LIPI: variants seen among roughly 807,000 people sequenced by gnomAD.
LIPI encodes lipase I, also known as lipase member I.
LIPI carries 59 observed loss-of-function variants against 50.6 expected under a neutral mutation model. The observed-to-expected ratio is 1.16, with a 90% CI of 0.94 to 1.45. The LOEUF (loss-of-function observed/expected upper bound fraction) is 1.45. Ranked by LOEUF, LIPI falls within the 40% of genes most tolerant of loss-of-function variation. The probability of loss-of-function intolerance (pLI) is 0.00; values close to 1 mark genes in which losing one functional copy is unlikely to be tolerated. For synonymous variants in LIPI, 203 were observed against 178.2 expected (o/e 1.14, Z -1.11); for missense variants, 586 against 536.3 (o/e 1.09, Z -0.92).
At position 14,170,354 on chromosome 21, in the gene LIPI, A is replaced by G. The variant is rs528173665; in HGVS notation, c.644-3903T>C. Among the ~76,000 whole-genome samples, 1,175 of 152,294 alleles carry G rather than the reference A, an allele frequency of 7.7e-3. 19 individuals are homozygous for G. Among genetic ancestry groups the G allele is most frequent in the African/African-American group, 0.026 (1,070 of 41,550 alleles). On this transcript the variant is annotated intron_variant, in intron 4 of 9. Coordinates refer to ENST00000681601, the MANE Select transcript of LIPI (RefSeq NM_001302998.2). Reference sequence around the variant, plus strand: ...ATAGAAAAAGAGGGAATCCTCCCTAACTCATTTTATGAGGCCAGCATCATC... The same window carrying G: ...ATAGAAAAAGAGGGAATCCTCCCTAGCTCATTTTATGAGGCCAGCATCATC...
intron 8 of LIPI, among the ~76,000 whole-genome samples, chr21:14,149,444 CT>C (rs1233313780): frequency 3.3e-5 from 5 of 152,148 alleles, no homozygotes; most frequent in Admixed American, 2.6e-4. Context: ...CACCCCTGGC[CT>C]TCCCAAATCT....
In LIPI at chr21:14,170,224, A is replaced by G. The variant is rs1396675226; in HGVS notation, c.644-3773T>C. On this transcript the variant is annotated intron_variant, in intron 4 of 9. Coordinates refer to ENST00000681601, the MANE Select transcript of LIPI (RefSeq NM_001302998.2). ...CTCTGAAGTTGTGGCAATAATCAAT[A>G]GCTTACCAACCAAAAAGAGTCCAGG... Among the ~76,000 whole-genome samples the G allele has an allele frequency of 5.3e-5, 8 of 152,226 alleles. No individual in the cohort carries two copies. The East Asian group carries it at 1.5e-3, about 29-fold the overall frequency.
At chr21:14,170,619 G>T (rs557265472) in intron 4 of LIPI, among the ~76,000 whole-genome samples, 1 of 152,276 alleles carries the variant, frequency 6.6e-6, no homozygotes, top group South Asian at 2.1e-4. Flanking sequence ...AAAACCACAT[G>T]ATTATCTCAA....
At chr21:14,163,385 ATTTG>A (rs956239752) in intron 7 of LIPI, 30 bp downstream of exon 7, 9 of 1,045,802 alleles carry the variant, frequency 8.6e-6, no homozygotes, top group African/African-American at 6.3e-5. Flanking sequence ...AAAACTAAAA[ATTTG>A]TTTATTTGTT....
chr21:14,154,784 A>G lies in LIPI; in HGVS notation c.1007-2100T>C, dbSNP rs544514068. 3.3e-5 allele frequency among the ~76,000 whole-genome samples: 5 copies of G among 152,214 alleles called. No homozygotes were observed. In the South Asian group the frequency reaches 8.3e-4, roughly 25 times the overall value. ...GATGTCCCAAAAGTTTTATGCATCT[A>G]AAAATCACGGCCTTGGAATATCTAA... On this transcript the variant is annotated intron_variant, in intron 7 of 9. Coordinates refer to ENST00000681601, the MANE Select transcript of LIPI (RefSeq NM_001302998.2).
At chr21:14,135,798 C>T (rs2017476491) in intron 9 of LIPI, among the ~76,000 whole-genome samples, 1 of 152,008 alleles carries the variant, frequency 6.6e-6, no homozygotes. Context: ...GATTGAGGGG[C>T]CATGTCACAT....
intron 9 of LIPI, among the ~76,000 whole-genome samples, chr21:14,110,029 G>A (rs1317389617): frequency 6.6e-6 from 1 of 151,788 alleles, no homozygotes; most frequent in Non-Finnish European, 1.5e-5. Flanking sequence ...ATTTCAAAAT[G>A]CATACTGAAT....
At chr21:14,201,942 G>T (rs550243014) in intron 1 of LIPI, among the ~76,000 whole-genome samples, 16 of 152,278 alleles carry the variant, frequency 1.1e-4, no homozygotes, top group South Asian at 2.1e-4. Context: ...AAACCCCATT[G>T]TCTCAGCCCA....
At chr21:14,163,985 T>C (rs1465377347) in intron 6 of LIPI, among the ~76,000 whole-genome samples, 1 of 150,774 alleles carries the variant, frequency 6.6e-6, no homozygotes, top group Non-Finnish European at 1.5e-5. Flanking sequence ...ATTATATATA[T>C]GTAGTATAGG....
rs149913311 is a variant in LIPI, at chr21:14,119,489, G to A, written c.1296-10409C>T. Among the ~76,000 whole-genome samples the A allele has an allele frequency of 1.2e-4, 19 of 152,266 alleles. No individual in the cohort carries two copies. In the East Asian group the frequency reaches 2.3e-3, roughly 19 times the overall value. The stretch of plus-strand genomic sequence containing the variant: ...AGCATTCCTCAGCCAGACACAAGGC[G>A]GCAAGTGCGGGAATTCCTAGGGGCA... On this transcript the variant is annotated intron_variant, in intron 9 of 9. Coordinates refer to ENST00000681601, the MANE Select transcript of LIPI (RefSeq NM_001302998.2).
rs2017840822 is a variant in LIPI, at chr21:14,144,776, A to C, written c.1142T>G (p.Leu381Arg). Residue 381 changes from leucine to arginine, a missense_variant, in exon 9 of 10, where the codon CTT becomes CGT. Leu to Arg is a moderately radical substitution (Grantham distance 102). Transcript: ENST00000681601. ...TTGAGCAAGAATCTTGACTTCTTGAAGTTTATAAAATGGTTTGTTCTTTCT... is the reference window on the plus strand; with the variant it reads ...TTGAGCAAGAATCTTGACTTCTTGACGTTTATAAAATGGTTTGTTCTTTCT... ...LYEKNKPFYKLQEVKILAQFY... is the reference protein window; with the variant it reads ...LYEKNKPFYKRQEVKILAQFY... 6.3e-7 allele frequency: 1 copy of C among 1,577,922 alleles called. No homozygotes were observed. The highest frequency in any genetic ancestry group is 2.2e-5 in the East Asian group (1 of 44,584).
chr21:14,146,772 A>ATTTTTTTTTT lies in LIPI; in HGVS notation c.1119-1983_1119-1974dup, dbSNP rs3048482. Among the ~76,000 whole-genome samples the ATTTTTTTTTT allele has an allele frequency of 4.5e-3, 328 of 73,370 alleles. 76 individuals carry two copies. The highest frequency in any genetic ancestry group is 0.016 in the African/African-American group (272 of 16,532). 48.1% of individuals were successfully genotyped at this position (73,370 alleles called of 152,430 possible). ...TCTCTTTCTTACTTTCCCAGTCTCT[A>ATTTTTTTTTT]TTTTTTTTTTTTTTTTTTTTTTTTT... On this transcript the variant is annotated intron_variant, in intron 8 of 9. Coordinates refer to ENST00000681601, the MANE Select transcript of LIPI (RefSeq NM_001302998.2).
chr21:14,184,802 A>G (rs1253805229), intron 3 of LIPI, among the ~76,000 whole-genome samples: 1 of 152,232 alleles, frequency 6.6e-6, no homozygotes, highest in African/African-American at 2.4e-5. Context: ...TGTATAAGTA[A>G]ATCCTGGCTA....
At position 14,189,304 on chromosome 21, in the gene LIPI, G is replaced by A. The variant is rs755010007; in HGVS notation, c.162C>T (p.Asn54=). 3 of 1,613,780 alleles carry A rather than the reference G, an allele frequency of 1.9e-6. No individual in the cohort carries two copies. The highest frequency in any genetic ancestry group is 1.7e-6 in the Non-Finnish European group (2 of 1,179,708). Residue 54 remains asparagine, a synonymous_variant, in exon 2 of 10, where the codon AAC becomes AAT. Coordinates refer to ENST00000681601, the MANE Select transcript of LIPI (RefSeq NM_001302998.2). The part of the protein sequence containing the change: ...ILMMYTRNNL[N]CAEPLFEQNN... ...TTTGTTCAAACAGTGGCTCAGCACA[G>A]TTTAGGTTGTTCCTTGTATACATCA... is the stretch of plus-strand genomic sequence containing the variant.
chr21:14,132,969 C>T (rs2017351330), intron 9 of LIPI, among the ~76,000 whole-genome samples: 2 of 152,220 alleles, frequency 1.3e-5, no homozygotes, highest in Non-Finnish European at 2.9e-5. Context: ...AACACCTCAA[C>T]AGACCAAAAA....
chr21:14,206,096 GGTT>G (rs1196883847), intron 1 of LIPI, among the ~76,000 whole-genome samples: 1 of 152,070 alleles, frequency 6.6e-6, no homozygotes, highest in African/African-American at 2.4e-5. Flanking sequence ...AATCATTGTA[GGTT>G]GTCCAGCATT....
intron 9 of LIPI, chr21:14,144,409 T>G: frequency 2.5e-6 from 1 of 393,918 alleles, no homozygotes; most frequent in Non-Finnish European, 4.6e-6. Flanking sequence ...GTGTGTATTT[T>G]TTCTTTGATT....
Position 14,189,154 on chromosome 21 carries a change from T to C in LIPI, c.312A>G (p.Glu104=). ...AGTCTACTACAATTACATTCATATCTTCTTCATTCAGCAAAATCCTTACGA... is the reference window on the plus strand; with the variant it reads ...AGTCTACTACAATTACATTCATATCCTCTTCATTCAGCAAAATCCTTACGA... The part of the protein sequence containing the change: ...QNFVRILLNE[E]DMNVIVVDWS... Residue 104 remains glutamate (E), a synonymous_variant, in exon 2 of 10, where the codon GAA becomes GAG. Transcript: ENST00000681601. The C allele has an allele frequency of 6.2e-7, 1 of 1,614,150 alleles. No homozygotes were observed. The highest frequency in any genetic ancestry group is 8.5e-7 in the Non-Finnish European group (1 of 1,180,012).
intron 9 of LIPI, among the ~76,000 whole-genome samples, chr21:14,142,489 TG>T (rs751669430): frequency 7.3e-4 from 109 of 149,246 alleles, no homozygotes; most frequent in African/African-American, 2.5e-3. Context: ...ATATATATTT[TG>T]TTGTTGTTGT....
Sources: allele counts gnomAD v4.1 joint callset (sites outside exome capture counted in the v4.1 genomes callset), GRCh38; gene constraint gnomAD v4.1.1; transcripts MANE v1.5; gene names NCBI Gene and HGNC (gene_info 2026-07-23, HGNC 2026-07-21).